Variants in TSHZ1 observed in about 807,000 individuals in gnomAD.
TSHZ1 encodes teashirt homolog 1.
TSHZ1 carries 12 observed loss-of-function variants against 67.1 expected under a neutral mutation model. The observed-to-expected ratio is 0.18, with a 90% CI of 0.11 to 0.29. The LOEUF (loss-of-function observed/expected upper bound fraction) is 0.29, where lower values mean the gene tolerates loss of function less well. Among genes scored for constraint, TSHZ1 ranks in the 10% least tolerant of loss-of-function variants. The probability of loss-of-function intolerance (pLI) is 1.00; values close to 1 mark genes in which losing one functional copy is unlikely to be tolerated. For missense variants in TSHZ1, 1,305 were observed against 1,413.9 expected (o/e 0.92, Z 1.23); for synonymous variants, 632 against 622.4 (o/e 1.02, Z -0.23).
intron 1 of TSHZ1, among the ~76,000 whole-genome samples, chr18:75,230,325 C>A (rs1222581860): frequency 6.6e-6 from 1 of 152,112 alleles, no homozygotes; most frequent in Non-Finnish European, 1.5e-5. Flanking sequence ...CCAGAGCTGC[C>A]GTCCCTGCTG....
At position 75,287,904 on chromosome 18, in the gene TSHZ1, C is replaced by T. The variant is rs771294029; in HGVS notation, c.2497C>T (p.Arg833Trp). 37 of 1,614,062 alleles carry T rather than the reference C, an allele frequency of 2.3e-5. No homozygotes were observed. The highest frequency in any genetic ancestry group is 6.7e-5 in the East Asian group (3 of 44,894). Residue 833 changes from arginine to tryptophan, a missense_variant, in exon 2 of 2, where the codon CGG (arginine) becomes TGG (tryptophan). Coordinates refer to ENST00000580243, the MANE Select transcript of TSHZ1 (RefSeq NM_001308210.2). This position sits in a 1 kb window ranked among gnomAD's most constrained non-coding sequence, Gnocchi z 5.0. ...GGCTGATTCGGTGGCATCACCTCTG[C>T]GGGAGAGCGCACTCATGGACATCTC... ...SVADSVASPL[R>W]ESALMDISDM...
At chr18:75,253,125 G>A (rs375966128) in intron 1 of TSHZ1, among the ~76,000 whole-genome samples, 4 of 151,962 alleles carry the variant, frequency 2.6e-5, no homozygotes, top group African/African-American at 7.3e-5. Flanking sequence ...AGAGGTAATC[G>A]CCTAGGTTAT....
chr18:75,271,250 A>G (rs561442148), intron 1 of TSHZ1, among the ~76,000 whole-genome samples: 3 of 152,198 alleles, frequency 2.0e-5, no homozygotes, highest in Non-Finnish European at 4.4e-5. Flanking sequence ...AAATGCAAGT[A>G]ATGACTAGCA....
intron 1 of TSHZ1, among the ~76,000 whole-genome samples, chr18:75,250,269 C>CT (rs2023282493): frequency 6.6e-6 from 1 of 152,164 alleles, no homozygotes; most frequent in South Asian, 2.1e-4. Context: ...TCCCTGTCCC[C>CT]AGTCGCAAGG....
intron 1 of TSHZ1, among the ~76,000 whole-genome samples, chr18:75,264,484 AT>A (rs60144564): frequency 0.012 from 1,757 of 146,468 alleles, 27 homozygotes; most frequent in African/African-American, 0.029. Context: ...ACACTGACAG[AT>A]TTTTTTTTTT....
chr18:75,288,754 G>A lies in TSHZ1; in HGVS notation c.*113G>A. 2 of 1,477,956 alleles carry A rather than the reference G, an allele frequency of 1.4e-6. No individual in the cohort carries two copies. Among genetic ancestry groups the A allele is most frequent in the South Asian group, 1.5e-5 (1 of 67,508 alleles). 91.6% of individuals were successfully genotyped at this position (1,477,956 alleles called of 1,614,324 possible). A position where few individuals can be genotyped will look rare whatever the true frequency, so the allele number is the denominator to read the frequency against. ...TCCTTTGTTGCTGGCCCGCCTCTCT[G>A]GACCTTGGTTTTCTTACACATATTT... On this transcript the variant is annotated 3_prime_UTR_variant, in exon 2 of 2. Transcript: ENST00000580243. The surrounding 1 kb of genome is among the most constrained non-coding windows in gnomAD (Gnocchi z 4.9).
At chr18:75,273,331 A>G (rs1467918348) in intron 1 of TSHZ1, among the ~76,000 whole-genome samples, 1 of 152,208 alleles carries the variant, frequency 6.6e-6, no homozygotes, top group African/African-American at 2.4e-5. Context: ...GTTCGAGGAG[A>G]AAACAAACCT....
Position 75,289,087 on chromosome 18 carries a change from G to GA in TSHZ1, c.*453dup, listed in dbSNP as rs1362290469. On this transcript the variant is annotated 3_prime_UTR_variant, in exon 2 of 2. Coordinates refer to ENST00000580243, the MANE Select transcript of TSHZ1 (RefSeq NM_001308210.2). ...CTTTCACTTGAAAAAAAAAAAAGAAGAAAAAAAGGCTTAAAGGCATTTCAT... is the reference window on the plus strand; with the variant it reads ...CTTTCACTTGAAAAAAAAAAAAGAAGAAAAAAAAGGCTTAAAGGCATTTCAT... The GA allele has an allele frequency of 2.0e-5, 3 of 153,162 alleles. No homozygotes were observed. Among genetic ancestry groups the GA allele is most frequent in the Non-Finnish European group, 1.6e-5 (1 of 61,988 alleles). The allele number at this position is 153,162 out of a possible 1,614,324, so 9.5% of individuals were successfully genotyped here.
chr18:75,262,526 G>A (rs915255336), intron 1 of TSHZ1, among the ~76,000 whole-genome samples: 3 of 152,156 alleles, frequency 2.0e-5, no homozygotes, highest in African/African-American at 7.2e-5. Flanking sequence ...TGGCCTCTTG[G>A]CTAGGACCAT....
In TSHZ1 at chr18:75,279,626, A is replaced by G. The variant is rs578029057; in HGVS notation, c.41-5822A>G. Among the ~76,000 whole-genome samples the G allele has an allele frequency of 2.2e-4, 34 of 152,352 alleles. No homozygotes were observed. The South Asian group carries it at 3.1e-3, about 14-fold the overall frequency. ...TGGGGACCTGGGGGACCTGGGGCAG[A>G]GCAGCCCAGGACAGCCTCTCTGGCA... On this transcript the variant is annotated intron_variant, in intron 1 of 1. Coordinates refer to ENST00000580243, the MANE Select transcript of TSHZ1 (RefSeq NM_001308210.2).
chr18:75,213,013 G>A (rs1304600878), intron 1 of TSHZ1, among the ~76,000 whole-genome samples: 1 of 152,066 alleles, frequency 6.6e-6, no homozygotes, highest in East Asian at 1.9e-4. Flanking sequence ...AGTGTTTTAT[G>A]TTTAAACATG....
chr18:75,256,539 G>A (rs538259517), intron 1 of TSHZ1, among the ~76,000 whole-genome samples: 60 of 152,280 alleles, frequency 3.9e-4, no homozygotes, highest in African/African-American at 1.4e-3. Flanking sequence ...AAATGGAGAG[G>A]GAAGAGATTT....
rs1158119063 is a variant in TSHZ1, at chr18:75,287,938, T to A, written c.2531T>A (p.Val844Glu). The A allele has an allele frequency of 5.6e-6, 9 of 1,614,122 alleles. No homozygotes were observed. Among genetic ancestry groups the A allele is most frequent in the Non-Finnish European group, 5.9e-6 (7 of 1,180,030 alleles). ...GCACTCATGGACATCTCCGACATGGTGAAAAACCTCACAGGCCGCCTGACG... is the reference window on the plus strand; with the variant it reads ...GCACTCATGGACATCTCCGACATGGAGAAAAACCTCACAGGCCGCCTGACG... ...ESALMDISDM[V>E]KNLTGRLTPK... The change falls in exon 2 of 2, where the codon GTG (valine) becomes GAG (glutamate). Residue 844 changes from valine (V) to glutamate (E), a missense_variant. Around this residue, in one of 3 missense-constraint regions of TSHZ1, gnomAD observed 909 missense variants for 961.8 expected, o/e 0.95. Coordinates refer to ENST00000580243, the MANE Select transcript of TSHZ1 (RefSeq NM_001308210.2). The surrounding 1 kb of genome is among the most constrained non-coding windows in gnomAD (Gnocchi z 5.0).
chr18:75,218,924 AT>A (rs11345099), intron 1 of TSHZ1, among the ~76,000 whole-genome samples: 44,464 of 150,932 alleles, frequency 0.29, 6,582 homozygotes, highest in Non-Finnish European at 0.32. Context: ...GAACATGTAT[AT>A]TTTTTTTTTA....
In TSHZ1 at chr18:75,285,604, C is replaced by T. The variant is rs1371484603; in HGVS notation, c.197C>T (p.Ser66Phe). Residue 66 changes from serine to phenylalanine, a missense_variant, in exon 2 of 2, where the codon TCT becomes TTT. Physicochemically the swap from Ser to Phe is radical, Grantham distance 155. Coordinates refer to ENST00000580243, the MANE Select transcript of TSHZ1 (RefSeq NM_001308210.2). ...AGCTACCAGAACTCCCCAGTCAGCTCTGCGACTAACCAGGACGCCGGCTAC... is the reference window on the plus strand; with the variant it reads ...AGCTACCAGAACTCCCCAGTCAGCTTTGCGACTAACCAGGACGCCGGCTAC... ...AQSYQNSPVS[S>F]ATNQDAGYGS... 1.2e-6 allele frequency: 2 copies of T among 1,611,498 alleles called. No individual in the cohort carries two copies. Among genetic ancestry groups the T allele is most frequent in the African/African-American group, 2.7e-5 (2 of 74,872 alleles).
chr18:75,270,460 C>A (rs1452329798), intron 1 of TSHZ1, among the ~76,000 whole-genome samples: 1 of 152,160 alleles, frequency 6.6e-6, no homozygotes, highest in Middle Eastern at 3.2e-3. Flanking sequence ...AAATGTTTAT[C>A]CAAGAACAAA....
At chr18:75,244,715 A>G (rs2023201607) in intron 1 of TSHZ1, 1 of 152,234 alleles carries the variant, frequency 6.6e-6, no homozygotes, top group Admixed American at 6.5e-5. Flanking sequence ...TGTGTTCTGC[A>G]GGCTCAGTGC....
chr18:75,225,696 G>A (rs1000297457), intron 1 of TSHZ1, among the ~76,000 whole-genome samples: 18 of 152,018 alleles, frequency 1.2e-4, no homozygotes, highest in Admixed American at 7.2e-4. Context: ...GGGCTCGCAC[G>A]CCATCCTGAG....
chr18:75,270,530 C>A (rs1052058741), intron 1 of TSHZ1, among the ~76,000 whole-genome samples: 1 of 152,282 alleles, frequency 6.6e-6, no homozygotes, highest in East Asian at 1.9e-4. Context: ...TGGGAAAATA[C>A]CCTTCTCTAT....
Sources: gnomAD v4.1 joint callset for allele counts (sites outside exome capture counted in the v4.1 genomes callset) on GRCh38, gnomAD v4.1.1 for gene constraint, gnomAD v4.1.1 regional missense constraint, Gnocchi (gnomAD v3.1) non-coding constraint, MANE v1.5 for transcripts, NCBI Gene and HGNC (gene_info 2026-07-23, HGNC 2026-07-21) for gene names.